The following ROBO2 variants were observed in gnomAD, a reference collection of about 807,000 sequenced individuals.
ROBO2 encodes the protein roundabout homolog 2.
Under a neutral mutation model 160.8 loss-of-function variants are expected in ROBO2, and 53 were observed. The ratio of observed to expected loss-of-function variants is 0.33; its 90% CI spans 0.26 to 0.41. The LOEUF (loss-of-function observed/expected upper bound fraction) is 0.41. Ranked by LOEUF, ROBO2 falls within the 10% of genes least tolerant of loss-of-function variation. The pLI is 1.00. For synonymous variants in ROBO2, 664 were observed against 611.7 expected, an observed-to-expected ratio of 1.09 and a Z score of -1.26; for missense variants, 1,577 against 1,722.4, an observed-to-expected ratio of 0.92 and a Z score of 1.49.
intron 5 of ROBO2, among the ~76,000 whole-genome samples, chr3:77,498,882 T>A (rs1259682162): frequency 6.6e-6 from 1 of 152,102 alleles, no homozygotes; most frequent in Non-Finnish European, 1.5e-5. Flanking sequence ...TGAAATGGTC[T>A]TAGCAAAAGA....
At chr3:77,582,238 A>C (rs912365698) in intron 16 of ROBO2, among the ~76,000 whole-genome samples, 4 of 152,210 alleles carry the variant, frequency 2.6e-5, no homozygotes, top group African/African-American at 9.6e-5. Context: ...AGTAGCTGGA[A>C]CTACAGGCAC....
chr3:76,059,978 G>T (rs1251650447), intron 2 of ROBO2, among the ~76,000 whole-genome samples: 1 of 152,072 alleles, frequency 6.6e-6, no homozygotes, highest in African/African-American at 2.4e-5. Context: ...GATGTTATTT[G>T]TGAGGGCTCT....
At chr3:76,699,432 T>C (rs577256327) in intron 2 of ROBO2, among the ~76,000 whole-genome samples, 1 of 152,290 alleles carries the variant, frequency 6.6e-6, no homozygotes, top group South Asian at 2.1e-4. Context: ...TTTTTTTCTC[T>C]TTTATTTGGA....
intron 2 of ROBO2, among the ~76,000 whole-genome samples, chr3:76,066,368 A>C (rs1423433028): frequency 1.3e-5 from 2 of 152,098 alleles, no homozygotes; most frequent in Non-Finnish European, 2.9e-5. Flanking sequence ...TGAATACTCA[A>C]AATTATTTAA....
intron 2 of ROBO2, among the ~76,000 whole-genome samples, chr3:77,218,122 T>C (rs74995198): frequency 1.1e-3 from 171 of 152,324 alleles, no homozygotes; most frequent in African/African-American, 3.9e-3. Context: ...TTTCAGTTAA[T>C]GCTTTGTAGG....
intron 2 of ROBO2, among the ~76,000 whole-genome samples, chr3:77,395,283 A>C (rs190457272): frequency 6.6e-6 from 1 of 152,134 alleles, no homozygotes; most frequent in Non-Finnish European, 1.5e-5. Flanking sequence ...GGATAACAAA[A>C]ATAATGTTGA....
intron 2 of ROBO2, among the ~76,000 whole-genome samples, chr3:77,030,798 G>C (rs2063273345): frequency 2.0e-5 from 3 of 152,146 alleles, no homozygotes. Flanking sequence ...TTCTAATCCA[G>C]TATGAACTCA....
chr3:75,961,245 A>T (rs888427171), intron 2 of ROBO2, among the ~76,000 whole-genome samples: 5 of 151,716 alleles, frequency 3.3e-5, no homozygotes, highest in African/African-American at 1.2e-4. Flanking sequence ...TTTCATTAGT[A>T]GTAGTAATTC....
chr3:76,223,837 C>G (rs1469094749), intron 2 of ROBO2, among the ~76,000 whole-genome samples: 1 of 152,176 alleles, frequency 6.6e-6, no homozygotes, highest in Non-Finnish European at 1.5e-5. Flanking sequence ...ACATTAGGAG[C>G]AACCAATCAG....
chr3:75,948,466 C>G (rs1442742847), intron 2 of ROBO2, among the ~76,000 whole-genome samples: 2 of 152,016 alleles, frequency 1.3e-5, no homozygotes, highest in Admixed American at 1.3e-4. Context: ...AAGTCATACC[C>G]TAGCCACATG....
intron 6 of ROBO2, among the ~76,000 whole-genome samples, chr3:77,524,879 G>C (rs1313556536): frequency 6.6e-6 from 1 of 150,892 alleles, no homozygotes; most frequent in Non-Finnish European, 1.5e-5. Flanking sequence ...TTTGTGGTAT[G>C]AATTTATCAC....
intron 2 of ROBO2, among the ~76,000 whole-genome samples, chr3:76,721,412 T>G (rs552358271): frequency 6.6e-6 from 1 of 152,336 alleles, no homozygotes; most frequent in Non-Finnish European, 1.5e-5. Context: ...TCCTTCATAA[T>G]ATAATAGACG....
rs186203203 is a variant in ROBO2 at position 77,331,841 on chromosome 3, G to A, written c.389-145573G>A. On this transcript the variant is annotated intron_variant, in intron 2 of 25. Coordinates refer to ENST00000461745, the Ensembl canonical transcript of ROBO2. ...CTGCCTCAGCCTCCCGAGTAGCTGG[G>A]ATTACAGGCACGTGCCACCACGCCC... 3.1e-3 allele frequency among the ~76,000 whole-genome samples: 479 copies of A among 152,172 alleles called. 2 individuals carry two copies. Among genetic ancestry groups the A allele is most frequent in the Non-Finnish European group, 4.6e-3 (315 of 68,008 alleles).
chr3:77,140,080 A>C lies in ROBO2; in HGVS notation c.388+41740A>C, dbSNP rs544152599. Among the ~76,000 whole-genome samples the C allele has an allele frequency of 3.3e-5, 5 of 152,334 alleles. No individual in the cohort carries two copies. The South Asian group carries it at 1.0e-3, about 32-fold the overall frequency. On this transcript the variant is annotated intron_variant, in intron 2 of 25. Transcript: ENST00000461745. ...GTTCCAGGCAGATTTTTGTAATTTTAAACTCTATAAATGAACAATTACATT... is the reference window on the plus strand; with the variant it reads ...GTTCCAGGCAGATTTTTGTAATTTTCAACTCTATAAATGAACAATTACATT...
chr3:77,491,811 C>G (rs1050748723), intron 4 of ROBO2, among the ~76,000 whole-genome samples: 1 of 152,092 alleles, frequency 6.6e-6, no homozygotes, highest in African/African-American at 2.4e-5. Context: ...TACGGATACT[C>G]TAGCATATGC....
intron 2 of ROBO2, among the ~76,000 whole-genome samples, chr3:77,142,208 A>T (rs1315347322): frequency 1.3e-5 from 2 of 152,208 alleles, no homozygotes; most frequent in Non-Finnish European, 2.9e-5. Flanking sequence ...AGAGTTAAAG[A>T]TGGATTATAA....
At chr3:77,635,423 T>G (rs1236499503) in intron 24 of ROBO2, among the ~76,000 whole-genome samples, 1 of 152,112 alleles carries the variant, frequency 6.6e-6, no homozygotes, top group Admixed American at 6.5e-5. Context: ...ATTTCACTTT[T>G]GGAAAAAAAG....
At chr3:76,667,360 T>C (rs1231592132) in intron 2 of ROBO2, among the ~76,000 whole-genome samples, 3 of 152,292 alleles carry the variant, frequency 2.0e-5, no homozygotes, top group African/African-American at 4.8e-5. Flanking sequence ...TGTTTTTTCC[T>C]GTTATTGTAA....
chr3:76,946,035 A>G (rs1225666862), intron 2 of ROBO2, among the ~76,000 whole-genome samples: 1 of 152,138 alleles, frequency 6.6e-6, no homozygotes, highest in Non-Finnish European at 1.5e-5. Flanking sequence ...ATATTTTTGT[A>G]GTCGTATAAA....
Sources: gnomAD v4.1 joint callset for allele counts (sites outside exome capture counted in the v4.1 genomes callset) on GRCh38, gnomAD v4.1.1 for gene constraint, MANE v1.5 for transcripts, NCBI Gene and HGNC (gene_info 2026-07-23, HGNC 2026-07-21) for gene names.